MTRF1L: variants seen among roughly 807,000 people sequenced by gnomAD.
The protein encoded by MTRF1L is peptide chain release factor 1-like, mitochondrial.
A neutral mutation model predicts 40.0 loss-of-function variants in MTRF1L; 29 were observed. The ratio of observed to expected loss-of-function variants is 0.73; its 90% confidence interval spans 0.54 to 0.99. MTRF1L has a LOEUF of 0.99. MTRF1L is among the 50% of genes least tolerant of loss of function. The pLI, the probability that MTRF1L is intolerant of heterozygous loss-of-function variation, is 0.00. For missense variants in MTRF1L, 412 were observed against 464.5 expected (o/e 0.89, Z 1.04); for synonymous variants, 150 against 175.8 (o/e 0.85, Z 1.16).
chr6:152,993,444 C>A (rs780110762), intron 4 of MTRF1L, among the ~76,000 whole-genome samples: 9 of 152,030 alleles, frequency 5.9e-5, no homozygotes, highest in Non-Finnish European at 1.0e-4. Flanking sequence ...TGGGAGTGGC[C>A]AAGAAGTCAT....
rs753495870 is a variant in MTRF1L, at chr6:152,992,867, A to G, written c.795T>C (p.His265=). 2.8e-5 allele frequency: 45 copies of G among 1,610,588 alleles called. No individual in the cohort carries two copies. Among genetic ancestry groups the G allele is most frequent in the Non-Finnish European group, 3.6e-5 (43 of 1,178,784 alleles). The part of the protein sequence containing the change: ...NTTDSAVRIV[H]LPTGVVSECQ... Reference sequence around the variant, plus strand: ...GGAATAAGTACACACCTGTTGGAAGATGAACTATCCGGACAGCACTGTCCG... The same window carrying G: ...GGAATAAGTACACACCTGTTGGAAGGTGAACTATCCGGACAGCACTGTCCG... The change falls in exon 5 of 7, where the codon CAT becomes CAC. Residue 265 remains histidine (H), a synonymous_variant. Transcript: ENST00000367233.
chr6:152,998,639 A>G lies in MTRF1L; in HGVS notation c.260-10T>C. On this transcript the variant is annotated splice_polypyrimidine_tract_variant and intron_variant, in intron 1 of 6. Transcript: ENST00000367233. ...AAATCTTCATTCTCATCTAGGAAAA[A>G]AAGGGCAGAAGTTAAGGTTTTCCTT... is the stretch of plus-strand genomic sequence containing the variant. The G allele has an allele frequency of 6.3e-7, 1 of 1,578,526 alleles. No homozygotes were observed. Among genetic ancestry groups the G allele is most frequent in the Non-Finnish European group, 8.6e-7 (1 of 1,163,624 alleles).
chr6:153,001,100 T>C (rs967943700), intron 1 of MTRF1L, among the ~76,000 whole-genome samples: 5 of 152,116 alleles, frequency 3.3e-5, no homozygotes, highest in Non-Finnish European at 7.4e-5. Context: ...CTCGAACTCC[T>C]GGGCTCAAGT....
intron 2 of MTRF1L, 148 bp downstream of exon 2, chr6:152,998,402 T>A (rs1584104526): frequency 1.9e-6 from 1 of 528,032 alleles, no homozygotes; most frequent in East Asian, 3.5e-5. Flanking sequence ...GGGGGTCAAT[T>A]TATACCTCAA....
At chr6:153,002,127 G>A (rs1778939014) in intron 1 of MTRF1L, among the ~76,000 whole-genome samples, 1 of 152,256 alleles carries the variant, frequency 6.6e-6, no homozygotes, top group Admixed American at 6.5e-5. Context: ...GAGAAACACC[G>A]CTGTGGAGCC....
At chr6:152,992,749 G>A in intron 5 of MTRF1L, 108 bp downstream of exon 5, 1 of 779,618 alleles carries the variant, frequency 1.3e-6, no homozygotes, top group South Asian at 1.7e-5. Context: ...ACAATCCTTA[G>A]AAGTATATAC....
rs759754540 is a variant in MTRF1L, at chr6:152,995,103, CT to C, written c.523+32del. Reference sequence around the variant, plus strand: ...GTCTTTCCAACTCTTTTCCTAAACACTTTACCTGAAACAAAATGAATAGTTT... The same window carrying C: ...GTCTTTCCAACTCTTTTCCTAAACACTTACCTGAAACAAAATGAATAGTTT... On this transcript the variant is annotated intron_variant, in intron 3 of 6. Transcript: ENST00000367233. 11 of 1,556,264 alleles carry C rather than the reference CT, an allele frequency of 7.1e-6. No homozygotes were observed. The South Asian group carries it at 1.2e-4, about 17-fold the overall frequency.
rs576731150 is a variant in MTRF1L at position 152,994,608 on chromosome 6, C to G, written c.592G>C (p.Gly198Arg). 1.7e-5 allele frequency: 27 copies of G among 1,613,798 alleles called. No individual in the cohort carries two copies. The highest frequency in any genetic ancestry group is 2.2e-5 in the Non-Finnish European group (26 of 1,179,994). ...EAYRHMKFEG[G>R]VHRVQRVPKT... ...GGCACTCTTTGTACTCTGTGAACAC[C>G]TCCTTCAAATTTCATGTGCCTATAG... Residue 198 changes from glycine to arginine, a missense_variant, in exon 4 of 7, where the codon GGT becomes CGT. By Grantham distance (125) the Gly-to-Arg change is moderately radical. Coordinates refer to ENST00000367233, the MANE Select transcript of MTRF1L (RefSeq NM_019041.7).
intron 6 of MTRF1L, 93 bp downstream of exon 6, chr6:152,991,092 A>G: frequency 2.4e-6 from 2 of 825,750 alleles, no homozygotes; most frequent in South Asian, 2.0e-5. Context: ...CACAGGTTAA[A>G]ACAAATATAT....
In MTRF1L at chr6:152,992,807, T is replaced by C. The variant is rs543312588; in HGVS notation, c.805+50A>G. 3.7e-5 allele frequency: 52 copies of C among 1,387,854 alleles called. No homozygotes were observed. The East Asian group carries it at 1.1e-3, about 28-fold the overall frequency. The allele number at this position is 1,387,854 out of a possible 1,614,324, so 86.0% of individuals were successfully genotyped here. ...TTTCAGTGGAAAATTAGTCATATTA[T>C]TCCAAAATTGATTTCTTTGGTGTCA... is the stretch of plus-strand genomic sequence containing the variant. On this transcript the variant is annotated intron_variant, in intron 5 of 6. Coordinates refer to ENST00000367233, the MANE Select transcript of MTRF1L (RefSeq NM_019041.7).
intron 5 of MTRF1L, among the ~76,000 whole-genome samples, chr6:152,991,703 C>G (rs1170108556): frequency 6.6e-6 from 1 of 152,100 alleles, no homozygotes; most frequent in Non-Finnish European, 1.5e-5. Flanking sequence ...CCCGCCATCA[C>G]GCCCGGCTAA....
intron 1 of MTRF1L, among the ~76,000 whole-genome samples, chr6:152,999,123 A>G (rs1475659437): frequency 2.6e-5 from 4 of 152,208 alleles, no homozygotes; most frequent in Non-Finnish European, 5.9e-5. Context: ...AAAAACATTT[A>G]TTAGATTCTG....
intron 2 of MTRF1L, among the ~76,000 whole-genome samples, chr6:152,998,072 T>TATATATATATA: frequency 6.6e-6 from 1 of 151,602 alleles, no homozygotes; most frequent in East Asian, 1.9e-4. Flanking sequence ...TATATATTTT[T>TATATATATATA]TTATCTTTTA....
intron 4 of MTRF1L, among the ~76,000 whole-genome samples, chr6:152,993,591 T>C (rs771951377): frequency 2.6e-5 from 4 of 152,206 alleles, no homozygotes; most frequent in Non-Finnish European, 5.9e-5. Flanking sequence ...GTAAGAATCC[T>C]ACCATTCTCT....
intron 6 of MTRF1L, 140 bp downstream of exon 6, chr6:152,991,042 CAAA>C (rs1778492352): frequency 2.0e-6 from 1 of 510,956 alleles, no homozygotes; most frequent in African/African-American, 2.0e-5. Context: ...AGATTACTAT[CAAA>C]GAAGGATAGC....
chr6:152,995,309 A>G lies in MTRF1L; in HGVS notation c.350T>C (p.Leu117Pro). ...ITQLKHQIIL[L>P]LVPSEETDEN... ...ATCTGTTTCTTCTGAGGGAACCAAA[A>G]GTAAGATAATCTGTAAATATAAAAA... The change falls in exon 3 of 7, where the codon CTT becomes CCT. Residue 117 changes from leucine to proline, a missense_variant. By Grantham distance (98) the Leu-to-Pro change is moderately conservative (BLOSUM62 -3). Coordinates refer to ENST00000367233, the MANE Select transcript of MTRF1L (RefSeq NM_019041.7). The G allele has an allele frequency of 6.3e-7, 1 of 1,583,994 alleles. No individual in the cohort carries two copies. The highest frequency in any genetic ancestry group is 8.6e-7 in the Non-Finnish European group (1 of 1,169,002).
At position 152,994,831 on chromosome 6, in the gene MTRF1L, ATTTATC is replaced by A. The variant is rs754029273; in HGVS notation, c.524-161_524-156del. ...ATATTAAAATATTCAATGTTTTAAT[ATTTATC>A]TTTACTGCTTACAAGTACTAAACAA... On this transcript the variant is annotated intron_variant, in intron 3 of 6. Transcript: ENST00000367233. 19 of 990,078 alleles carry A rather than the reference ATTTATC, an allele frequency of 1.9e-5. No homozygotes were observed. The Admixed American group carries it at 4.5e-4, about 23-fold the overall frequency. 61.3% of individuals were successfully genotyped at this position (990,078 alleles called of 1,614,324 possible). A position where few individuals can be genotyped will look rare whatever the true frequency, so the allele number is the denominator to read the frequency against.
intron 5 of MTRF1L, among the ~76,000 whole-genome samples, chr6:152,991,795 T>C (rs1271846858): frequency 3.3e-5 from 5 of 152,154 alleles, no homozygotes; most frequent in African/African-American, 9.7e-5. Flanking sequence ...GTGATCCGCC[T>C]GCCTTGGCCT....
chr6:152,991,124 A>G, intron 6 of MTRF1L, 61 bp downstream of exon 6: 1 of 1,177,190 alleles, frequency 8.5e-7, no homozygotes, highest in Non-Finnish European at 1.2e-6. Context: ...TATTTAAAAA[A>G]AGCTGAGTTA....
Sources: allele counts gnomAD v4.1 joint callset (sites outside exome capture counted in the v4.1 genomes callset), GRCh38; gene constraint gnomAD v4.1.1; transcripts MANE v1.5; gene names NCBI Gene and HGNC (gene_info 2026-07-23, HGNC 2026-07-21).